ZNF385D: variants seen among roughly 807,000 people sequenced by gnomAD.
ZNF385D encodes the protein zinc finger protein 385D, also known as zinc finger protein 659.
ZNF385D carries 15 observed loss-of-function variants against 35.8 expected under a neutral mutation model. The ratio of observed to expected loss-of-function variants is 0.42; its 90% CI spans 0.28 to 0.64. ZNF385D has a LOEUF of 0.64. Among genes scored for constraint, ZNF385D ranks in the 30% least tolerant of loss-of-function variants. ZNF385D has a pLI of 0.23. For synonymous variants in ZNF385D, 212 were observed against 186.8 expected (o/e 1.13, Z -1.10); for missense variants, 474 against 494.6 (o/e 0.96, Z 0.39).
At chr3:22,365,399 C>T (rs1475363428) in intron 2 of ZNF385D, among the ~76,000 whole-genome samples, 2 of 151,852 alleles carry the variant, frequency 1.3e-5, no homozygotes, top group Admixed American at 1.3e-4. Context: ...CTGGTTAAAC[C>T]CAAGCCCAAC....
intron 4 of ZNF385D, among the ~76,000 whole-genome samples, chr3:21,489,560 G>A (rs1451756277): frequency 1.3e-5 from 2 of 151,996 alleles, no homozygotes. Context: ...TCCCAGATGG[G>A]TTATTTCTAT....
At chr3:22,079,129 G>A (rs184606855) in intron 3 of ZNF385D, among the ~76,000 whole-genome samples, 198 of 152,118 alleles carry the variant, frequency 1.3e-3, no homozygotes, top group African/African-American at 4.4e-3. Flanking sequence ...ATGAGTATAA[G>A]TGTCATGGAT....
At chr3:21,443,858 A>C (rs1042047941) in intron 4 of ZNF385D, among the ~76,000 whole-genome samples, 12 of 152,306 alleles carry the variant, frequency 7.9e-5, no homozygotes, top group African/African-American at 2.9e-4. Context: ...TTACAAAACA[A>C]AAATATTGAA....
intron 4 of ZNF385D, among the ~76,000 whole-genome samples, chr3:21,466,654 T>C (rs1321058775): frequency 6.6e-6 from 1 of 152,200 alleles, no homozygotes; most frequent in African/African-American, 2.4e-5. Flanking sequence ...TTCTTATTTA[T>C]GTCTAGTGAG....
chr3:22,357,112 A>G (rs1038569023), intron 2 of ZNF385D, among the ~76,000 whole-genome samples: 1 of 151,962 alleles, frequency 6.6e-6, no homozygotes, highest in East Asian at 1.9e-4. Flanking sequence ...ACATAATTAC[A>G]TAGTACTTTT....
chr3:22,168,823 C>T lies in ZNF385D; in HGVS notation c.319G>A (p.Asp107Asn), dbSNP rs1272672632. ...TATTTTTAGAAAAGCTTACCATTGT[C>T]ATTTTTCAGCGTCCCATTGCTGAGT... Residue 107 changes from aspartate to asparagine, a missense_variant, in exon 3 of 6, where the codon GAC becomes AAC. By Grantham distance (23) the Asp-to-Asn change is conservative. Coordinates refer to the ZNF385D transcript ENST00000494108. The T allele has an allele frequency of 3.0e-6, 3 of 985,676 alleles. No homozygotes were observed. In the African/African-American group the frequency reaches 5.2e-5, roughly 17 times the overall value. 61.1% of individuals were successfully genotyped at this position (985,676 alleles called of 1,614,324 possible).
chr3:21,947,647 G>A (rs1008068038), intron 3 of ZNF385D, among the ~76,000 whole-genome samples: 3 of 152,118 alleles, frequency 2.0e-5, no homozygotes, highest in Non-Finnish European at 4.4e-5. Context: ...ACCGCGCCCG[G>A]CTATAAGTTA....
chr3:21,781,770 C>T (rs2071498048), intron 3 of ZNF385D, among the ~76,000 whole-genome samples: 1 of 151,942 alleles, frequency 6.6e-6, no homozygotes, highest in African/African-American at 2.4e-5. Context: ...TTTGGAGGCT[C>T]ATCCCTTTAC....
chr3:21,527,288 G>A (rs892938394), intron 3 of ZNF385D, among the ~76,000 whole-genome samples: 3 of 152,074 alleles, frequency 2.0e-5, no homozygotes, highest in African/African-American at 7.2e-5. Context: ...TTCATTTGAC[G>A]AAGATTTCTT....
intron 3 of ZNF385D, among the ~76,000 whole-genome samples, chr3:21,983,602 G>T (rs1318763082): frequency 7.1e-6 from 1 of 141,022 alleles, no homozygotes; most frequent in Non-Finnish European, 1.5e-5. Context: ...CTTTGCTATT[G>T]TGAATAATGC....
chr3:21,724,828 C>A (rs537924832), intron 1 of ZNF385D, among the ~76,000 whole-genome samples: 1 of 152,050 alleles, frequency 6.6e-6, no homozygotes, highest in Non-Finnish European at 1.5e-5. Context: ...CTGGACCAAG[C>A]AGACCTAATA....
chr3:22,077,240 C>T (rs1015850712), intron 3 of ZNF385D, among the ~76,000 whole-genome samples: 1 of 151,902 alleles, frequency 6.6e-6, no homozygotes, highest in Non-Finnish European at 1.5e-5. Flanking sequence ...TATAATTGCA[C>T]TAAGCATAAA....
chr3:22,102,043 T>G (rs1701969558), intron 3 of ZNF385D, among the ~76,000 whole-genome samples: 1 of 151,510 alleles, frequency 6.6e-6, no homozygotes, highest in Non-Finnish European at 1.5e-5. Context: ...AAAATGTGGT[T>G]TCTGTGGTAA....
At chr3:21,955,840 T>C (rs1479968) in intron 3 of ZNF385D, among the ~76,000 whole-genome samples, 103,708 of 151,930 alleles carry the variant, frequency 0.68, 36,535 homozygotes, top group Non-Finnish European at 0.77. Flanking sequence ...ATTCATTCTT[T>C]CATAATTCAA....
At chr3:21,862,097 T>C (rs1697084898) in intron 3 of ZNF385D, among the ~76,000 whole-genome samples, 1 of 152,080 alleles carries the variant, frequency 6.6e-6, no homozygotes, top group Non-Finnish European at 1.5e-5. Flanking sequence ...ACAAAAAAAG[T>C]AGAGTAGGTA....
At chr3:21,524,526 T>G (rs1708110740) in intron 3 of ZNF385D, among the ~76,000 whole-genome samples, 1 of 152,174 alleles carries the variant, frequency 6.6e-6, no homozygotes, top group African/African-American at 2.4e-5. Flanking sequence ...AATGAATCAT[T>G]CTCTTTTCAT....
At chr3:21,925,791 C>A (rs34756955) in intron 3 of ZNF385D, among the ~76,000 whole-genome samples, 80,087 of 151,478 alleles carry the variant, frequency 0.53, 23,425 homozygotes, top group Non-Finnish European at 0.66. Context: ...GTAAAAAAAA[C>A]CCAAGCAATC....
intron 3 of ZNF385D, among the ~76,000 whole-genome samples, chr3:21,870,789 C>T (rs1004920638): frequency 6.6e-6 from 1 of 152,080 alleles, no homozygotes; most frequent in Non-Finnish European, 1.5e-5. Context: ...TTCTAGCATA[C>T]CACTGCTCTG....
chr3:21,602,989 C>T (rs1044133927), intron 2 of ZNF385D, among the ~76,000 whole-genome samples: 1 of 152,202 alleles, frequency 6.6e-6, no homozygotes, highest in South Asian at 2.1e-4. Flanking sequence ...GTCATACCCC[C>T]TCTTGCTTCT....
Sources: gnomAD v4.1 joint callset for allele counts (sites outside exome capture counted in the v4.1 genomes callset) on GRCh38, gnomAD v4.1.1 for gene constraint, MANE v1.5 for transcripts, NCBI Gene and HGNC (gene_info 2026-07-23, HGNC 2026-07-21) for gene names.